Variants in ZFPM2 observed in about 807,000 individuals in gnomAD.
ZFPM2 encodes the protein zinc finger protein ZFPM2.
A neutral mutation model predicts 98.6 loss-of-function variants in ZFPM2; 20 were observed. The ratio of observed to expected loss-of-function variants is 0.20; its 90% CI spans 0.14 to 0.29. The LOEUF (loss-of-function observed/expected upper bound fraction) is 0.29. ZFPM2 is among the 10% of genes least tolerant of loss of function. ZFPM2 has a pLI of 1.00. For synonymous variants in ZFPM2, 518 were observed against 502.7 expected (o/e 1.03, Z -0.41); for missense variants, 1,310 against 1,388.6 (o/e 0.94, Z 0.90).
chr8:105,557,048 A>C (rs1815012013), intron 3 of ZFPM2, among the ~76,000 whole-genome samples: 1 of 151,752 alleles, frequency 6.6e-6, no homozygotes, highest in African/African-American at 2.4e-5. Flanking sequence ...TACTTTCATA[A>C]ATTTTCAGAT....
intron 2 of ZFPM2, among the ~76,000 whole-genome samples, chr8:105,437,910 G>A (rs1446188077): frequency 6.6e-6 from 1 of 152,066 alleles, no homozygotes; most frequent in Non-Finnish European, 1.5e-5. Flanking sequence ...GGGCATGGTG[G>A]TGCGCATCTG....
intron 5 of ZFPM2, among the ~76,000 whole-genome samples, chr8:105,712,173 G>C (rs1013778016): frequency 6.6e-6 from 1 of 151,870 alleles, no homozygotes; most frequent in Non-Finnish European, 1.5e-5. Flanking sequence ...AAAAGATAAG[G>C]AACAAGTGAT....
chr8:105,703,346 A>T (rs1228233435), intron 5 of ZFPM2, among the ~76,000 whole-genome samples: 1 of 152,158 alleles, frequency 6.6e-6, no homozygotes, highest in African/African-American at 2.4e-5. Flanking sequence ...AACACAAATT[A>T]CAGAGAGATC....
At chr8:105,386,856 T>C (rs547370616) in intron 1 of ZFPM2, among the ~76,000 whole-genome samples, 1 of 152,150 alleles carries the variant, frequency 6.6e-6, no homozygotes, top group Non-Finnish European at 1.5e-5. Flanking sequence ...AGGACAAAAG[T>C]TCTCCACGTA....
At chr8:105,542,102 C>G (rs1032440480) in intron 3 of ZFPM2, among the ~76,000 whole-genome samples, 1 of 152,072 alleles carries the variant, frequency 6.6e-6, no homozygotes, top group South Asian at 2.1e-4. Flanking sequence ...ATTATTTATG[C>G]AATTAATAAT....
intron 5 of ZFPM2, among the ~76,000 whole-genome samples, chr8:105,640,638 A>G (rs1177689666): frequency 6.6e-6 from 1 of 152,064 alleles, no homozygotes; most frequent in Non-Finnish European, 1.5e-5. Flanking sequence ...CACTCTCTAA[A>G]TTAAATTTTC....
intron 1 of ZFPM2, among the ~76,000 whole-genome samples, chr8:105,333,349 G>T (rs1362741899): frequency 6.6e-6 from 1 of 151,720 alleles, no homozygotes; most frequent in Non-Finnish European, 1.5e-5. Flanking sequence ...AAAAATGAAT[G>T]AACAGAGCAG....
At chr8:105,419,062 CAAAA>C in intron 1 of ZFPM2, 78 bp from the exon 2 acceptor site, 1 of 1,386,342 alleles carries the variant, frequency 7.2e-7, no homozygotes, top group Non-Finnish European at 9.8e-7. Flanking sequence ...ACCACTGTAA[CAAAA>C]AAAGGCTCTA....
intron 3 of ZFPM2, among the ~76,000 whole-genome samples, chr8:105,474,320 C>T (rs1335986740): frequency 6.6e-6 from 1 of 152,168 alleles, no homozygotes; most frequent in African/African-American, 2.4e-5. Flanking sequence ...TTCAATCCAG[C>T]TACAACTATC....
rs141912535 is a variant in ZFPM2, at chr8:105,707,755, AT to A, written c.532+73399del. ...AATGAAGGAAACAAAGAATTAAATT[AT>A]ATTATGACTGATAGTCTGGCAGTAA... On this transcript the variant is annotated intron_variant, in intron 5 of 7. Coordinates refer to ENST00000407775, the MANE Select transcript of ZFPM2 (RefSeq NM_012082.4). 9.8e-3 allele frequency among the ~76,000 whole-genome samples: 1,489 copies of A among 152,328 alleles called. 15 individuals carry two copies. The highest frequency in any genetic ancestry group is 0.03 in the African/African-American group (1,248 of 41,576).
chr8:105,792,851 G>C (rs1813662579), intron 6 of ZFPM2, among the ~76,000 whole-genome samples: 1 of 152,062 alleles, frequency 6.6e-6, no homozygotes, highest in African/African-American at 2.4e-5. Context: ...GGCCTTCTTT[G>C]TCTCTTTTGA....
At chr8:105,746,239 T>C in intron 5 of ZFPM2, among the ~76,000 whole-genome samples, 1 of 151,936 alleles carries the variant, frequency 6.6e-6, no homozygotes, top group Non-Finnish European at 1.5e-5. Flanking sequence ...GTGTGTCAAA[T>C]AGAGACTGTT....
At chr8:105,707,587 C>T (rs973738706) in intron 5 of ZFPM2, among the ~76,000 whole-genome samples, 6 of 152,114 alleles carry the variant, frequency 3.9e-5, no homozygotes, top group Admixed American at 1.3e-4. Context: ...AGTGTATGGC[C>T]TTGTACTGTT....
Position 105,711,001 on chromosome 8 carries a change from T to C in ZFPM2, c.532+76644T>C, listed in dbSNP as rs184731842. On this transcript the variant is annotated intron_variant, in intron 5 of 7. Coordinates refer to ENST00000407775, the MANE Select transcript of ZFPM2 (RefSeq NM_012082.4). Reference sequence around the variant, plus strand: ...ATCCTCTCAACCAGCCAACTTAATATCTTGATGTAATTTTTGATTCTCCCC... The same window carrying C: ...ATCCTCTCAACCAGCCAACTTAATACCTTGATGTAATTTTTGATTCTCCCC... 5.3e-4 allele frequency among the ~76,000 whole-genome samples: 80 copies of C among 152,202 alleles called. 1 individual carries two copies. The highest frequency in any genetic ancestry group is 1.9e-3 in the African/African-American group (79 of 41,536).
At chr8:105,328,706 C>T (rs1467757767) in intron 1 of ZFPM2, among the ~76,000 whole-genome samples, 1 of 151,820 alleles carries the variant, frequency 6.6e-6, no homozygotes, top group African/African-American at 2.4e-5. Flanking sequence ...ATAAAACTGT[C>T]TGAATTTGTA....
intron 5 of ZFPM2, among the ~76,000 whole-genome samples, chr8:105,729,240 A>C (rs1469585505): frequency 6.6e-6 from 1 of 151,742 alleles, no homozygotes; most frequent in Non-Finnish European, 1.5e-5. Context: ...GATGCACTTT[A>C]CCAAGTAGAT....
chr8:105,366,025 A>G lies in ZFPM2; in HGVS notation c.40+47044A>G, dbSNP rs1810497985. Among the ~76,000 whole-genome samples the G allele has an allele frequency of 2.6e-5, 4 of 152,304 alleles. No homozygotes were observed. The South Asian group carries it at 6.2e-4, about 24-fold the overall frequency. ...AAACTTCCCACATCTTTATAAATGT[A>G]TTGTTTAAATAATTCACTGCTGATG... On this transcript the variant is annotated intron_variant, in intron 1 of 7. Transcript: ENST00000407775.
At chr8:105,634,670 C>G (rs1034326981) in intron 5 of ZFPM2, among the ~76,000 whole-genome samples, 5 of 152,118 alleles carry the variant, frequency 3.3e-5, no homozygotes, top group Non-Finnish European at 5.9e-5. Context: ...TTTGACGAAA[C>G]TCCAATTTCT....
intron 4 of ZFPM2, among the ~76,000 whole-genome samples, chr8:105,633,780 C>A (rs1165367109): frequency 6.6e-6 from 1 of 152,166 alleles, no homozygotes; most frequent in Non-Finnish European, 1.5e-5. Context: ...AGAATAAGTT[C>A]TTACTCTAAT....
Sources: allele counts gnomAD v4.1 joint callset (sites outside exome capture counted in the v4.1 genomes callset), GRCh38; gene constraint gnomAD v4.1.1; transcripts MANE v1.5; gene names NCBI Gene and HGNC (gene_info 2026-07-23, HGNC 2026-07-21).